The following CDHR3 variants were observed in gnomAD, a reference collection of about 807,000 sequenced individuals.
CDHR3 encodes the protein cadherin related family member 3, also known as cadherin-related family member 3.
In CDHR3, 79 loss-of-function variants were observed where a neutral mutation model predicts 86.6. That is an observed-to-expected ratio of 0.91 (90% CI 0.76 to 1.10). The LOEUF is 1.10. Ranked by LOEUF, CDHR3 falls within the 50% of genes least tolerant of loss-of-function variation. The pLI is 0.00. For synonymous variants in CDHR3, 421 were observed against 402.4 expected, an observed-to-expected ratio of 1.05 and a Z score of -0.55; for missense variants, 1,081 against 1,077.6, an observed-to-expected ratio of 1.00 and a Z score of -0.04.
chr7:106,027,802 C>G, intron 16 of CDHR3: 1 of 342,348 alleles, frequency 2.9e-6, no homozygotes, highest in East Asian at 8.4e-5. Flanking sequence ...ATGAGATTTT[C>G]ACAAACTGTC....
chr7:105,969,000 A>G (rs1172316260), intron 1 of CDHR3, among the ~76,000 whole-genome samples: 1 of 151,888 alleles, frequency 6.6e-6, no homozygotes, highest in Non-Finnish European at 1.5e-5. Flanking sequence ...AGGCAGGAGA[A>G]TGGCATGTAC....
chr7:106,004,257 G>T (rs1833627367), intron 7 of CDHR3, among the ~76,000 whole-genome samples: 1 of 152,220 alleles, frequency 6.6e-6, no homozygotes, highest in South Asian at 2.1e-4. Flanking sequence ...CTGGGCAAGG[G>T]CCGCCACCAG....
chr7:106,015,340 C>T, intron 10 of CDHR3, 127 bp downstream of exon 10: 3 of 712,882 alleles, frequency 4.2e-6, no homozygotes, highest in Middle Eastern at 2.4e-4. Flanking sequence ...GCGGGGACCC[C>T]CTCTTTCTCG....
chr7:106,011,366 T>G (rs1834775102), intron 8 of CDHR3, among the ~76,000 whole-genome samples: 1 of 152,092 alleles, frequency 6.6e-6, no homozygotes, highest in Non-Finnish European at 1.5e-5. Flanking sequence ...GCCTTGGGAC[T>G]TGCCCTCTCT....
Position 106,032,854 on chromosome 7 carries a change from TAGAA to T in CDHR3, c.*160_*163del. Reference sequence around the variant, plus strand: ...GATGTTTGACAAATTTTTAAACAAATAGAAAGGGGTTTGATCACATAGTTGCGTG... The same window carrying T: ...GATGTTTGACAAATTTTTAAACAAATAGGGGTTTGATCACATAGTTGCGTG... On this transcript the variant is annotated 3_prime_UTR_variant, in exon 19 of 19. Transcript: ENST00000317716. 1.5e-6 allele frequency: 1 copy of T among 668,474 alleles called. No individual in the cohort carries two copies. The allele number at this position is 668,474 out of a possible 1,614,324, so 41.4% of individuals were successfully genotyped here.
intron 14 of CDHR3, among the ~76,000 whole-genome samples, chr7:106,023,470 G>C (rs1836883948): frequency 6.6e-6 from 1 of 152,150 alleles, no homozygotes; most frequent in African/African-American, 2.4e-5. Flanking sequence ...TCTGACAACA[G>C]GATTATCTTC....
At chr7:105,969,450 G>A (rs1827581116) in intron 1 of CDHR3, among the ~76,000 whole-genome samples, 2 of 151,594 alleles carry the variant, frequency 1.3e-5, no homozygotes, top group South Asian at 4.2e-4. Context: ...GGTCCTAGGA[G>A]TTTCTGAATG....
intron 1 of CDHR3, among the ~76,000 whole-genome samples, chr7:105,973,841 C>T (rs1828361218): frequency 6.6e-6 from 1 of 152,148 alleles, no homozygotes; most frequent in South Asian, 2.1e-4. Flanking sequence ...GTGGAGCACA[C>T]CTGTAATCAC....
At chr7:106,008,441 T>C (rs754332243) in intron 8 of CDHR3, among the ~76,000 whole-genome samples, 1 of 152,152 alleles carries the variant, frequency 6.6e-6, no homozygotes, top group Non-Finnish European at 1.5e-5. Flanking sequence ...CCTGAGATAT[T>C]GCACCATCTG....
Position 106,033,760 on chromosome 7 carries a change from G to C in CDHR3, c.*1063G>C, listed in dbSNP as rs1039711688. On this transcript the variant is annotated 3_prime_UTR_variant, in exon 19 of 19. Transcript: ENST00000317716. The stretch of plus-strand genomic sequence containing the variant: ...CATCTCAGAAAAAAAAAATAAAAGT[G>C]AATTACAACACTATGAACTTTCTTG... 2 of 152,074 alleles carry C rather than the reference G, an allele frequency of 1.3e-5. No individual in the cohort carries two copies. Among genetic ancestry groups the C allele is most frequent in the African/African-American group, 4.8e-5 (2 of 41,410 alleles). 9.4% of individuals were successfully genotyped at this position (152,074 alleles called of 1,614,324 possible).
chr7:106,003,318 A>G (rs941095742), intron 7 of CDHR3, among the ~76,000 whole-genome samples: 6 of 152,142 alleles, frequency 3.9e-5, no homozygotes, highest in Admixed American at 2.0e-4. Context: ...ATCTTGGTCA[A>G]TCTGCCAGAC....
intron 15 of CDHR3, among the ~76,000 whole-genome samples, chr7:106,025,254 A>G (rs1157222767): frequency 6.6e-6 from 1 of 152,200 alleles, no homozygotes; most frequent in African/African-American, 2.4e-5. Context: ...TAGCTCTTAC[A>G]ACTTACAGCT....
intron 2 of CDHR3, among the ~76,000 whole-genome samples, chr7:105,976,578 C>A (rs1828845887): frequency 1.3e-5 from 2 of 152,224 alleles, no homozygotes; most frequent in South Asian, 2.1e-4. Flanking sequence ...CACCCCAAAA[C>A]AAAACCCTGT....
intron 6 of CDHR3, among the ~76,000 whole-genome samples, chr7:105,999,653 A>AG (rs1429065166): frequency 6.6e-6 from 1 of 152,198 alleles, no homozygotes; most frequent in Non-Finnish European, 1.5e-5. Context: ...TTTCCTCCCC[A>AG]GGTGTCCTCT....
At chr7:105,975,725 T>C (rs1828700711) in intron 2 of CDHR3, among the ~76,000 whole-genome samples, 2 of 152,194 alleles carry the variant, frequency 1.3e-5, no homozygotes, top group Admixed American at 1.3e-4. Flanking sequence ...AAGGTGTCTT[T>C]AGGGTCCCAT....
chr7:105,990,689 T>C (rs1400980548), intron 4 of CDHR3, among the ~76,000 whole-genome samples: 1 of 151,288 alleles, frequency 6.6e-6, no homozygotes, highest in African/African-American at 2.4e-5. Flanking sequence ...TGCTCTATTC[T>C]ATAAAAGACA....
At chr7:105,964,384 C>T (rs924175140) in intron 1 of CDHR3, among the ~76,000 whole-genome samples, 1 of 152,022 alleles carries the variant, frequency 6.6e-6, no homozygotes, top group Non-Finnish European at 1.5e-5. Flanking sequence ...TCAGGTGATT[C>T]TCATGAATTT....
At chr7:105,966,565 A>T in intron 1 of CDHR3, among the ~76,000 whole-genome samples, 1 of 152,240 alleles carries the variant, frequency 6.6e-6, no homozygotes, top group Non-Finnish European at 1.5e-5. Context: ...AGGCTGGAAG[A>T]TGCAATCCAT....
chr7:106,019,287 A>C (rs1462802327), intron 12 of CDHR3, among the ~76,000 whole-genome samples: 1 of 152,140 alleles, frequency 6.6e-6, no homozygotes, highest in African/African-American at 2.4e-5. Flanking sequence ...GCTTCCTCCG[A>C]TAACTTGCTT....
Sources: gnomAD v4.1 joint callset for allele counts (sites outside exome capture counted in the v4.1 genomes callset) on GRCh38, gnomAD v4.1.1 for gene constraint, MANE v1.5 for transcripts, NCBI Gene and HGNC (gene_info 2026-07-23, HGNC 2026-07-21) for gene names.